MACF1: variants seen among roughly 807,000 people sequenced by gnomAD.
MACF1 encodes microtubule actin crosslinking factor 1.
MACF1 carries 193 observed loss-of-function variants against 854.8 expected under a neutral mutation model. The ratio of observed to expected loss-of-function variants is 0.23; its 90% CI spans 0.20 to 0.25. MACF1 has a LOEUF of 0.25. Among genes scored for constraint, MACF1 ranks in the 10% least tolerant of loss-of-function variants. MACF1 has a pLI of 1.00. For missense variants in MACF1, 7,722 were observed against 8,929.1 expected, an observed-to-expected ratio of 0.86 and a Z score of 5.45; for synonymous variants, 3,185 against 3,226.7, an observed-to-expected ratio of 0.99 and a Z score of 0.44.
chr1:39,109,563 T>C (rs4660412), intron 2 of MACF1, among the ~76,000 whole-genome samples: 148,275 of 152,144 alleles, frequency 0.97, 72,341 homozygotes, highest in South Asian at 1. Flanking sequence ...GCGTGAGCCA[T>C]TGCACCTGGC....
At chr1:39,461,341 G>A (rs1644548104) in intron 92 of MACF1, among the ~76,000 whole-genome samples, 3 of 152,106 alleles carry the variant, frequency 2.0e-5, no homozygotes, top group African/African-American at 7.2e-5. Flanking sequence ...TTGAGTGGTA[G>A]GACTGTGGGT....
chr1:39,312,804 A>G (rs1350476618), intron 26 of MACF1, among the ~76,000 whole-genome samples: 1 of 152,162 alleles, frequency 6.6e-6, no homozygotes, highest in Non-Finnish European at 1.5e-5. Context: ...CAGCCTGGGC[A>G]ACAGAGCAAA....
At chr1:39,380,159 C>T (rs1650053009) in intron 54 of MACF1, 85 bp from the exon 55 acceptor site, 5 of 1,399,766 alleles carry the variant, frequency 3.6e-6, no homozygotes, top group South Asian at 1.2e-5. Flanking sequence ...ATAATAACTG[C>T]CCAGTTTTCC....
rs148092734 is a variant in MACF1 at position 39,334,075 on chromosome 1, G to A, written c.7487G>A (p.Arg2496His). The change falls in exon 37 of 101, where the codon CGT becomes CAT. Residue 2496 changes from arginine to histidine, a missense_variant. Physicochemically the swap from Arg to His is conservative, Grantham distance 29 (BLOSUM62 0). Coordinates refer to ENST00000564288, the MANE Select transcript of MACF1 (RefSeq NM_001394062.1). The stretch of plus-strand genomic sequence containing the variant: ...CTTTTGGAGAGAGAGGAGGCCGTTC[G>A]TTTGTTGACTAAGCAAGTGGTAGAT... The part of the protein sequence containing the change: ...RGLLEREEAV[R>H]LLTKQVVDGG... 14 of 1,614,018 alleles carry A rather than the reference G, an allele frequency of 8.7e-6. No individual in the cohort carries two copies. The highest frequency in any genetic ancestry group is 2.7e-5 in the African/African-American group (2 of 74,896).
chr1:39,249,774 G>A (rs1256492779), intron 2 of MACF1: 1 of 325,548 alleles, frequency 3.1e-6, no homozygotes, highest in Non-Finnish European at 5.6e-6. Context: ...GTTGTTGCAT[G>A]TTGGTTAGAG....
intron 24 of MACF1, 80 bp downstream of exon 24, chr1:39,309,776 A>G (rs890123905): frequency 4.7e-6 from 7 of 1,477,356 alleles, no homozygotes; most frequent in South Asian, 3.8e-5. Context: ...TTACTGTGAG[A>G]CTTTTCCCCA....
At chr1:39,257,092 T>C (rs1027924846) in intron 5 of MACF1, among the ~76,000 whole-genome samples, 1 of 152,122 alleles carries the variant, frequency 6.6e-6, no homozygotes, top group Admixed American at 6.5e-5. Context: ...CCTAAAGAAA[T>C]TACTGTGCTC....
Position 39,332,286 on chromosome 1 carries a change from T to C in MACF1, c.5698T>C (p.Trp1900Arg). 6.2e-7 allele frequency: 1 copy of C among 1,613,952 alleles called. No individual in the cohort carries two copies. The highest frequency in any genetic ancestry group is 8.5e-7 in the Non-Finnish European group (1 of 1,180,020). Reference protein sequence around the residue: ...FLPATTEILSWKKAIESGILD... With the variant: ...FLPATTEILSRKKAIESGILD... ...ACCAGCAACCACAGAGATTTTGTCCTGGAAGAAAGCAATAGAAAGTGGTAT... is the reference window on the plus strand; with the variant it reads ...ACCAGCAACCACAGAGATTTTGTCCCGGAAGAAAGCAATAGAAAGTGGTAT... Residue 1900 changes from tryptophan (W) to arginine (R), a missense_variant, in exon 37 of 101, where the codon TGG (tryptophan) becomes CGG (arginine). Coordinates refer to ENST00000564288, the MANE Select transcript of MACF1 (RefSeq NM_001394062.1).
intron 2 of MACF1, among the ~76,000 whole-genome samples, chr1:39,091,559 G>A (rs1641803865): frequency 6.6e-6 from 1 of 152,018 alleles, no homozygotes; most frequent in Non-Finnish European, 1.5e-5. Flanking sequence ...GCAGTGGCAC[G>A]ATCTCGGCTT....
At chr1:39,243,117 T>C (rs770062482) in intron 2 of MACF1, among the ~76,000 whole-genome samples, 18 of 152,248 alleles carry the variant, frequency 1.2e-4, no homozygotes, top group Non-Finnish European at 2.6e-4. Context: ...TATCTGTCTT[T>C]TATAATATAG....
intron 2 of MACF1, among the ~76,000 whole-genome samples, chr1:39,141,249 T>C (rs1465639290): frequency 6.6e-6 from 1 of 152,206 alleles, no homozygotes; most frequent in Non-Finnish European, 1.5e-5. Context: ...TTGAATATAC[T>C]CTTGAGCCTG....
upstream of MACF1, among the ~76,000 whole-genome samples, chr1:39,202,123 C>T (rs969040980): frequency 1.7e-4 from 26 of 150,444 alleles, 1 homozygote; most frequent in African/African-American, 5.1e-4. Flanking sequence ...ACCATCACCA[C>T]GCCCAGCTAA....
intron 2 of MACF1, among the ~76,000 whole-genome samples, chr1:39,099,130 G>GCA (rs1309817131): frequency 1.3e-5 from 2 of 152,054 alleles, no homozygotes; most frequent in Non-Finnish European, 2.9e-5. Flanking sequence ...GTGCATGTGT[G>GCA]CACACACACA....
At position 39,387,938 on chromosome 1, in the gene MACF1, A is replaced by G. The variant is rs1350580826; in HGVS notation, c.15096A>G (p.Gln5032=). The part of the protein sequence containing the change: ...IEKKVEGAKH[Q]LEIFDALGSQ... ...AGAAGGTTGAAGGAGCCAAACACCA[A>G]CTTGAGATCTTTGATGCTCTGGGTT... The change falls in exon 58 of 101, where the codon CAA becomes CAG. Residue 5032 remains glutamine, a synonymous_variant. Transcript: ENST00000564288. 1.2e-6 allele frequency: 2 copies of G among 1,614,030 alleles called. No homozygotes were observed. The highest frequency in any genetic ancestry group is 1.1e-5 in the South Asian group (1 of 91,084).
chr1:39,370,878 C>G (rs12127668), intron 51 of MACF1, among the ~76,000 whole-genome samples: 1 of 152,102 alleles, frequency 6.6e-6, no homozygotes, highest in Non-Finnish European at 1.5e-5. Flanking sequence ...AAAAAAACTC[C>G]TAATACTTCT....
intron 1 of MACF1, among the ~76,000 whole-genome samples, chr1:39,209,654 C>T (rs1434085086): frequency 6.6e-6 from 1 of 151,822 alleles, no homozygotes; most frequent in Non-Finnish European, 1.5e-5. Flanking sequence ...TTATTTAAAG[C>T]AGTTCCCTTT....
At chr1:39,194,351 C>CTTTT (rs749853544) in intron 2 of MACF1, among the ~76,000 whole-genome samples, 8 of 35,536 alleles carry the variant, frequency 2.3e-4, no homozygotes, top group African/African-American at 9.4e-4. Context: ...CTTTTCTTTT[C>CTTTT]TTTTTTTTTT....
At chr1:39,372,780 T>A (rs1169752605) in intron 52 of MACF1, 184 bp downstream of exon 52, 4 of 521,608 alleles carry the variant, frequency 7.7e-6, no homozygotes, top group African/African-American at 2.0e-5. Context: ...ATTGCTCCAT[T>A]TTGCAAAATT....
At chr1:39,209,673 A>G (rs778279688) in intron 1 of MACF1, among the ~76,000 whole-genome samples, 5 of 152,050 alleles carry the variant, frequency 3.3e-5, no homozygotes, top group Non-Finnish European at 7.4e-5. Context: ...TTATCATACT[A>G]TTGGGTTATA....
Sources: allele counts gnomAD v4.1 joint callset (sites outside exome capture counted in the v4.1 genomes callset), GRCh38; gene constraint gnomAD v4.1.1; transcripts MANE v1.5; gene names NCBI Gene and HGNC (gene_info 2026-07-23, HGNC 2026-07-21).